Variants in RBFOX1 observed in about 807,000 individuals in gnomAD.
RBFOX1 encodes the protein RNA binding protein fox-1 homolog 1.
A neutral mutation model predicts 57.7 loss-of-function variants in RBFOX1; 8 were observed. The ratio of observed to expected loss-of-function variants is 0.14; its 90% CI spans 0.08 to 0.25. RBFOX1 has a LOEUF of 0.25. Among genes scored for constraint, RBFOX1 ranks in the 10% least tolerant of loss-of-function variants. The pLI is 1.00. For missense variants in RBFOX1, 611 were observed against 548.5 expected, an observed-to-expected ratio of 1.11 and a Z score of -1.14; for synonymous variants, 326 against 222.4, an observed-to-expected ratio of 1.47 and a Z score of -4.15.
At chr16:5,365,103 T>G (rs899110805) in intron 1 of RBFOX1, among the ~76,000 whole-genome samples, 1 of 152,080 alleles carries the variant, frequency 6.6e-6, no homozygotes, top group African/African-American at 2.4e-5. Flanking sequence ...ACCTACTTAC[T>G]GCTGTGGGCA....
intron 1 of RBFOX1, among the ~76,000 whole-genome samples, chr16:6,203,332 T>C (rs1009183931): frequency 1.3e-5 from 2 of 152,184 alleles, no homozygotes; most frequent in African/African-American, 2.4e-5. Flanking sequence ...CTCCTAATAA[T>C]GGGATCATGT....
chr16:5,580,722 G>A (rs182526791), intron 2 of RBFOX1, among the ~76,000 whole-genome samples: 4 of 152,202 alleles, frequency 2.6e-5, no homozygotes, highest in Non-Finnish European at 4.4e-5. Flanking sequence ...GCACATAGAG[G>A]CCGAGAGGTG....
intron 5 of RBFOX1, among the ~76,000 whole-genome samples, chr16:7,570,272 G>C (rs1184471123): frequency 6.6e-6 from 1 of 151,174 alleles, no homozygotes; most frequent in African/African-American, 2.4e-5. Flanking sequence ...CAGCATCCTT[G>C]AGCTATATCT....
In RBFOX1 at chr16:6,173,601, T is replaced by TC. The variant is rs769211583; in HGVS notation, c.-126-143391dup. 7.7e-4 allele frequency among the ~76,000 whole-genome samples: 74 copies of TC among 96,196 alleles called. 2 individuals carry two copies. Among genetic ancestry groups the TC allele is most frequent in the South Asian group, 1.5e-3 (4 of 2,746 alleles). The allele number at this position is 96,196 out of a possible 152,430, so 63.1% of individuals were successfully genotyped here. A position where few individuals can be genotyped will look rare whatever the true frequency, so the allele number is the denominator to read the frequency against. ...ATTGTATGGAGTGGACACTGACCAC[T>TC]CCCTTTTTTTTTTTTTTTTTTTTTT... is the stretch of plus-strand genomic sequence containing the variant. On this transcript the variant is annotated intron_variant, in intron 1 of 15. Transcript: ENST00000550418.
At chr16:7,065,073 CGT>C (rs1297407123) in intron 4 of RBFOX1, among the ~76,000 whole-genome samples, 1 of 152,178 alleles carries the variant, frequency 6.6e-6, no homozygotes, top group Non-Finnish European at 1.5e-5. Flanking sequence ...TGAGTCACAG[CGT>C]GTTACTTGGT....
chr16:7,131,722 T>C (rs941219781), intron 4 of RBFOX1, among the ~76,000 whole-genome samples: 4 of 151,986 alleles, frequency 2.6e-5, no homozygotes, highest in African/African-American at 9.7e-5. Context: ...CGCATACATC[T>C]GACCAGAGGC....
chr16:6,850,322 C>G (rs1373605026), intron 3 of RBFOX1, among the ~76,000 whole-genome samples: 1 of 152,128 alleles, frequency 6.6e-6, no homozygotes, highest in Non-Finnish European at 1.5e-5. Context: ...AAAGAATAAA[C>G]TACGTTGTTC....
intron 2 of RBFOX1, among the ~76,000 whole-genome samples, chr16:6,481,617 G>T (rs878013): frequency 6.6e-6 from 1 of 152,052 alleles, no homozygotes; most frequent in Non-Finnish European, 1.5e-5. Context: ...CAGGGTTCTG[G>T]ATAAGCGAAA....
intron 3 of RBFOX1, among the ~76,000 whole-genome samples, chr16:6,853,890 T>G (rs1773922019): frequency 6.6e-6 from 1 of 152,104 alleles, no homozygotes; most frequent in Admixed American, 6.5e-5. Context: ...AGGGCCAGGA[T>G]CTATATGATT....
intron 3 of RBFOX1, among the ~76,000 whole-genome samples, chr16:5,818,108 A>T (rs1361995376): frequency 6.6e-6 from 1 of 152,176 alleles, no homozygotes; most frequent in Non-Finnish European, 1.5e-5. Context: ...CCCCATTCTG[A>T]TCACTAGTAA....
chr16:7,644,557 A>C (rs1009684762), intron 11 of RBFOX1, among the ~76,000 whole-genome samples: 1 of 152,164 alleles, frequency 6.6e-6, no homozygotes, highest in African/African-American at 2.4e-5. Context: ...CACCCGTTTG[A>C]GGATTGCCAC....
intron 3 of RBFOX1, among the ~76,000 whole-genome samples, chr16:5,688,162 C>T (rs1335171370): frequency 1.3e-5 from 2 of 152,160 alleles, no homozygotes; most frequent in African/African-American, 4.8e-5. Context: ...TTAGGTATGA[C>T]AGAAAAGGAG....
chr16:6,932,592 C>G (rs556367703), intron 3 of RBFOX1, among the ~76,000 whole-genome samples: 9 of 152,114 alleles, frequency 5.9e-5, no homozygotes, highest in African/African-American at 1.9e-4. Context: ...GCCTCACTTC[C>G]TCATCCCACG....
intron 1 of RBFOX1, among the ~76,000 whole-genome samples, chr16:6,281,353 G>A (rs1224308465): frequency 6.6e-6 from 1 of 152,096 alleles, no homozygotes; most frequent in African/African-American, 2.4e-5. Context: ...ACACCGGGAA[G>A]TGTTACTCTG....
At chr16:7,609,393 C>T (rs1335668771) in intron 10 of RBFOX1, among the ~76,000 whole-genome samples, 1 of 152,078 alleles carries the variant, frequency 6.6e-6, no homozygotes, top group Non-Finnish European at 1.5e-5. Context: ...TAGCCACAGA[C>T]ATATCTGTGG....
chr16:5,914,964 A>G (rs1471270384), intron 4 of RBFOX1, among the ~76,000 whole-genome samples: 1 of 152,184 alleles, frequency 6.6e-6, no homozygotes, highest in Non-Finnish European at 1.5e-5. Flanking sequence ...TGGAACCCAC[A>G]GCCTTTTTAT....
chr16:5,410,047 CA>C (rs57923211), intron 1 of RBFOX1, among the ~76,000 whole-genome samples: 40,489 of 114,734 alleles, frequency 0.35, 6,447 homozygotes, highest in African/African-American at 0.51. Flanking sequence ...GACTCCATCT[CA>C]AAAAAAAAAA....
At chr16:6,534,056 A>G (rs935014500) in intron 2 of RBFOX1, among the ~76,000 whole-genome samples, 6 of 152,168 alleles carry the variant, frequency 3.9e-5, no homozygotes, top group African/African-American at 1.4e-4. Context: ...TATTTTATCA[A>G]GAGAAATGAA....
At chr16:5,363,135 G>A (rs1392403466) in intron 1 of RBFOX1, among the ~76,000 whole-genome samples, 2 of 148,284 alleles carry the variant, frequency 1.3e-5, no homozygotes, top group African/African-American at 5.0e-5. Flanking sequence ...CTGGGTTCAA[G>A]CGAGTCTCCT....
Sources: allele counts gnomAD v4.1 joint callset (sites outside exome capture counted in the v4.1 genomes callset), GRCh38; gene constraint gnomAD v4.1.1; transcripts MANE v1.5; gene names NCBI Gene and HGNC (gene_info 2026-07-23, HGNC 2026-07-21).